SNX3: variants seen among roughly 807,000 people sequenced by gnomAD.
SNX3 encodes sorting nexin-3.
A neutral mutation model predicts 17.7 loss-of-function variants in SNX3; 5 were observed. The ratio of observed to expected loss-of-function variants is 0.28; its 90% CI spans 0.15 to 0.59. The LOEUF is 0.59. Among genes scored for constraint, SNX3 ranks in the 20% least tolerant of loss-of-function variants. The probability of loss-of-function intolerance (pLI) is 0.88; values close to 1 mark genes in which losing one functional copy is unlikely to be tolerated. For missense variants in SNX3, 132 were observed against 206.8 expected (o/e 0.64, Z 2.22); for synonymous variants, 91 against 76.5 (o/e 1.19, Z -0.99).
At chr6:108,233,860 T>C (rs1426300148) in intron 1 of SNX3, among the ~76,000 whole-genome samples, 7 of 152,170 alleles carry the variant, frequency 4.6e-5, no homozygotes, top group Admixed American at 4.6e-4. Context: ...TTTTACCTCT[T>C]TAAGGGTAGT....
At chr6:108,257,201 G>C (rs1776056189) in intron 1 of SNX3, among the ~76,000 whole-genome samples, 1 of 152,184 alleles carries the variant, frequency 6.6e-6, no homozygotes. Flanking sequence ...GTTCGGGAGA[G>C]CAGCAACATT....
intron 1 of SNX3, among the ~76,000 whole-genome samples, chr6:108,240,676 G>C (rs564119563): frequency 5.4e-4 from 82 of 152,308 alleles, no homozygotes; most frequent in African/African-American, 1.9e-3. Flanking sequence ...CCCAAATGCA[G>C]GACTATTGTT....
intron 3 of SNX3, among the ~76,000 whole-genome samples, chr6:108,213,045 G>A (rs1181227668): frequency 1.3e-5 from 2 of 151,490 alleles, no homozygotes; most frequent in Non-Finnish European, 2.9e-5. Flanking sequence ...ACACCACCAC[G>A]CCCCACTAAT....
chr6:108,216,543 C>T (rs192941027), intron 2 of SNX3, among the ~76,000 whole-genome samples: 43 of 152,202 alleles, frequency 2.8e-4, no homozygotes, highest in Admixed American at 8.5e-4. Flanking sequence ...AAATGACCAA[C>T]CACTTAGCTG....
chr6:108,212,224 T>C lies in SNX3; in HGVS notation c.414A>G (p.Glu138=). 1.9e-6 allele frequency: 3 copies of C among 1,611,812 alleles called. No homozygotes were observed. Among genetic ancestry groups the C allele is most frequent in the South Asian group, 2.2e-5 (2 of 90,540 alleles). ...CTTGTAAAAACATGTGAAGACAACG[T>C]TCGTTCTGTGCCAGAGGATGACCAG... ...KVAGHPLAQN[E]RCLHMFLQDE... is the part of the protein sequence containing the mutation. Residue 138 remains glutamate (E), a synonymous_variant, in exon 4 of 4, where the codon GAA becomes GAG. Transcript: ENST00000230085.
intron 1 of SNX3, among the ~76,000 whole-genome samples, chr6:108,244,654 T>TTG (rs1554262809): frequency 7.1e-6 from 1 of 140,566 alleles, no homozygotes; most frequent in Non-Finnish European, 1.6e-5. Flanking sequence ...GGAGTTTTTT[T>TTG]TTTTTTTTTT....
chr6:108,245,470 C>T (rs1775659474), intron 1 of SNX3, among the ~76,000 whole-genome samples: 1 of 152,056 alleles, frequency 6.6e-6, no homozygotes, highest in Non-Finnish European at 1.5e-5. Context: ...GGTATATATC[C>T]AGTAATGGGA....
chr6:108,254,540 C>G (rs547805621), intron 1 of SNX3, among the ~76,000 whole-genome samples: 6 of 152,144 alleles, frequency 3.9e-5, no homozygotes, highest in African/African-American at 9.6e-5. Context: ...TAGCTGTGAC[C>G]CTGGGGAAGT....
At chr6:108,221,417 T>C (rs1466201870) in intron 2 of SNX3, among the ~76,000 whole-genome samples, 1 of 151,618 alleles carries the variant, frequency 6.6e-6, no homozygotes, top group Non-Finnish European at 1.5e-5. Context: ...TTCATAGCTC[T>C]ACCTGTAACT....
At chr6:108,237,990 G>A (rs748962923) in intron 1 of SNX3, among the ~76,000 whole-genome samples, 7 of 150,822 alleles carry the variant, frequency 4.6e-5, no homozygotes, top group Non-Finnish European at 8.8e-5. Flanking sequence ...TCAGCTACTC[G>A]GGAGGCTGAA....
At chr6:108,252,598 T>C (rs541813025) in intron 1 of SNX3, 4 of 152,340 alleles carry the variant, frequency 2.6e-5, no homozygotes, top group East Asian at 1.9e-4. Flanking sequence ...TATAAAATCT[T>C]CTGCTTCCAC....
intron 1 of SNX3, among the ~76,000 whole-genome samples, chr6:108,225,788 T>C (rs1310673113): frequency 6.6e-6 from 1 of 151,894 alleles, no homozygotes; most frequent in African/African-American, 2.4e-5. Flanking sequence ...GTAATCCTAG[T>C]GCTTTGGGAG....
At chr6:108,241,387 G>A (rs1775519458) in intron 1 of SNX3, among the ~76,000 whole-genome samples, 1 of 152,068 alleles carries the variant, frequency 6.6e-6, no homozygotes, top group Non-Finnish European at 1.5e-5. Flanking sequence ...CAGGTGCAGT[G>A]GCTCACGTCT....
chr6:108,243,269 C>G (rs1293760155), intron 1 of SNX3, among the ~76,000 whole-genome samples: 1 of 152,052 alleles, frequency 6.6e-6, no homozygotes, highest in Admixed American at 6.6e-5. Context: ...CTGCACCTGG[C>G]TGGGGGTGTT....
intron 2 of SNX3, chr6:108,222,454 A>C (rs1774821673): frequency 9.2e-6 from 7 of 762,870 alleles, no homozygotes; most frequent in African/African-American, 3.7e-5. Flanking sequence ...TTAGTGGATC[A>C]TGGCCATCAT....
At chr6:108,215,460 C>T (rs1276024903) in intron 2 of SNX3, among the ~76,000 whole-genome samples, 2 of 152,204 alleles carry the variant, frequency 1.3e-5, no homozygotes, top group East Asian at 3.9e-4. Context: ...CTAGTTGTCA[C>T]TATTCTGTTT....
intron 1 of SNX3, among the ~76,000 whole-genome samples, chr6:108,245,420 G>C (rs935190234): frequency 6.6e-6 from 1 of 152,134 alleles, no homozygotes; most frequent in East Asian, 1.9e-4. Flanking sequence ...ATAAACATAC[G>C]TGTGCATGTC....
intron 2 of SNX3, among the ~76,000 whole-genome samples, chr6:108,218,639 A>G (rs1774659936): frequency 6.6e-6 from 1 of 152,264 alleles, no homozygotes; most frequent in Non-Finnish European, 1.5e-5. Flanking sequence ...GTGTATAAAT[A>G]AGATGTGGTA....
rs375973358 is a variant in SNX3, at chr6:108,225,514, C to A, written c.163-2469G>T. The stretch of plus-strand genomic sequence containing the variant: ...GGCATGGTGGCGGGCGCCTGCAATC[C>A]CAGCTACTTGGGAGGCTGAGGCAGG... On this transcript the variant is annotated intron_variant, in intron 1 of 3. Coordinates refer to ENST00000230085, the MANE Select transcript of SNX3 (RefSeq NM_003795.6). Among the ~76,000 whole-genome samples the A allele has an allele frequency of 4.6e-5, 7 of 152,026 alleles. No homozygotes were observed. In the East Asian group the frequency reaches 1.4e-3, roughly 29 times the overall value.
Sources: gnomAD v4.1 joint callset for allele counts (sites outside exome capture counted in the v4.1 genomes callset) on GRCh38, gnomAD v4.1.1 for gene constraint, MANE v1.5 for transcripts, NCBI Gene and HGNC (gene_info 2026-07-23, HGNC 2026-07-21) for gene names.